Variants in COL11A2 observed in about 807,000 individuals in gnomAD.
COL11A2 encodes collagen alpha-2(XI) chain.
COL11A2 carries 116 observed loss-of-function variants against 273.4 expected under a neutral mutation model. The ratio of observed to expected loss-of-function variants is 0.42; its 90% confidence interval spans 0.36 to 0.49. The LOEUF (loss-of-function observed/expected upper bound fraction) is 0.49. Ranked by LOEUF, COL11A2 falls within the 20% of genes least tolerant of loss-of-function variation. The probability of loss-of-function intolerance (pLI) is 0.00; values close to 1 mark genes in which losing one functional copy is unlikely to be tolerated. For synonymous variants in COL11A2, 782 were observed against 864.2 expected, an observed-to-expected ratio of 0.90 and a Z score of 1.67; for missense variants, 1,866 against 2,309.0, an observed-to-expected ratio of 0.81 and a Z score of 3.93.
In COL11A2 at chr6:33,173,526, C is replaced by T. The variant is rs762110287; in HGVS notation, c.2658G>A (p.Gly886=). ...CCGGGGGTCCTTTCGGTCCAGGAAACCCGTTGGGACCCTGAGGTCCAGGGA... is the reference window on the plus strand; with the variant it reads ...CCGGGGGTCCTTTCGGTCCAGGAAATCCGTTGGGACCCTGAGGTCCAGGGA... ...RGLPGPQGPN[G]FPGPKGPPGP... Residue 886 remains glycine, a synonymous_variant, in exon 36 of 66, where the codon GGG becomes GGA. Transcript: ENST00000341947. The surrounding 1 kb of genome is among the most constrained non-coding windows in gnomAD (Gnocchi z 6.3). 1 of 1,610,194 alleles carries T rather than the reference C, an allele frequency of 6.2e-7. No homozygotes were observed. The highest frequency in any genetic ancestry group is 1.4e-5 in the African/African-American group (1 of 74,024).
intron 45 of COL11A2, 25 bp downstream of exon 45, chr6:33,171,089 C>T (rs752221446): frequency 2.2e-5 from 35 of 1,572,708 alleles, no homozygotes; most frequent in Admixed American, 7.6e-5. Context: ...GCTGGGCCTT[C>T]GGTGGGGGTG....
intron 45 of COL11A2, 74 bp downstream of exon 45, chr6:33,171,040 C>A (rs1769971194): frequency 6.3e-7 from 1 of 1,579,238 alleles, no homozygotes; most frequent in South Asian, 1.1e-5. Context: ...CCACTCCCAG[C>A]CACAAGGGCA....
Position 33,173,574 on chromosome 6 carries a change from G to GACA in COL11A2, c.2629-20_2629-19insTGT, listed in dbSNP as rs1182470984. On this transcript the variant is annotated intron_variant, in intron 35 of 65. Transcript: ENST00000341947. This position sits in a 1 kb window ranked among gnomAD's most constrained non-coding sequence, Gnocchi z 6.3. ...GGAGGCCCTAGAGACAGAGGTGGGGGGAGTCAGGAGAATGGGGGCAGGGGC... is the reference window on the plus strand; with the variant it reads ...GGAGGCCCTAGAGACAGAGGTGGGGGACAGAGTCAGGAGAATGGGGGCAGGGGC... 2 of 1,316,576 alleles carry GACA rather than the reference G, an allele frequency of 1.5e-6. No homozygotes were observed. The highest frequency in any genetic ancestry group is 3.7e-5 in the Admixed American group (2 of 54,170). 81.6% of individuals were successfully genotyped at this position (1,316,576 alleles called of 1,614,324 possible).
intron 1 of COL11A2, among the ~76,000 whole-genome samples, chr6:33,191,747 C>T (rs555295587): frequency 6.6e-6 from 1 of 152,348 alleles, no homozygotes; most frequent in African/African-American, 2.4e-5. Context: ...ATCACAGGTG[C>T]TCACCCCTTA....
In COL11A2 at chr6:33,168,659, G is replaced by A. The variant is rs1202918553; in HGVS notation, c.3906+47C>T. ...GTGGGGCACAGAAGAGGGGTAAAGA[G>A]GATGAGGCTTGGGCTCAGGGGGGTG... On this transcript the variant is annotated intron_variant, in intron 53 of 65. Coordinates refer to ENST00000341947, the MANE Select transcript of COL11A2 (RefSeq NM_080680.3). The A allele has an allele frequency of 3.1e-6, 5 of 1,594,498 alleles. No homozygotes were observed. In the South Asian group the frequency reaches 3.4e-5, roughly 11 times the overall value.
rs766589324 is a variant in COL11A2 at position 33,164,386 on chromosome 6, C to A, written c.4951G>T (p.Val1651Phe). The A allele has an allele frequency of 6.2e-7, 1 of 1,610,378 alleles. No homozygotes were observed. The change falls in exon 65 of 66, where the codon GTC (valine) becomes TTC (phenylalanine). Residue 1651 changes from valine to phenylalanine, a missense_variant. By Grantham distance (50) the Val-to-Phe change is conservative (BLOSUM62 -1). Transcript: ENST00000341947. The surrounding 1 kb of genome is among the most constrained non-coding windows in gnomAD (Gnocchi z 4.7). ...RLLSVSAHQDVSYPCSGAARD... is the reference protein window; with the variant it reads ...RLLSVSAHQDFSYPCSGAARD... ...GCTGCTCCAGAGCAGGGGTAGGAGA[C>A]GTCCTGGTGGGCTGAGACGCTGAGC...
At position 33,177,699 on chromosome 6, in the gene COL11A2, C is replaced by T. The variant is rs528989984; in HGVS notation, c.1880G>A (p.Arg627Gln). The change falls in exon 22 of 66, where the codon CGA becomes CAA. Residue 627 changes from arginine to glutamine, a missense_variant. Coordinates refer to ENST00000341947, the MANE Select transcript of COL11A2 (RefSeq NM_080680.3). This position sits in a 1 kb window ranked among gnomAD's most constrained non-coding sequence, Gnocchi z 5.9. Reference sequence around the variant, plus strand: ...GGGGCCCTGGGGACCATCCATGCCTCGGACGCCCTGAAACACAAGATGGGT... The same window carrying T: ...GGGGCCCTGGGGACCATCCATGCCTTGGACGCCCTGAAACACAAGATGGGT... ...PPGIPGPPGVRGMDGPQGPKG... is the reference protein window; with the variant it reads ...PPGIPGPPGVQGMDGPQGPKG... 58 of 1,612,846 alleles carry T rather than the reference C, an allele frequency of 3.6e-5. No homozygotes were observed. In the South Asian group the frequency reaches 5.4e-4, roughly 15 times the overall value.
intron 38 of COL11A2, among the ~76,000 whole-genome samples, 199 bp downstream of exon 38, chr6:33,172,860 TG>T (rs2150553297): frequency 6.6e-6 from 1 of 152,228 alleles, no homozygotes; most frequent in South Asian, 2.1e-4. Flanking sequence ...CTGCCTCTCC[TG>T]GGGGACAAGA....
Position 33,167,287 on chromosome 6 carries a change from G to A in COL11A2, c.4153C>T (p.Gln1385Ter). The change falls in exon 57 of 66, where the codon CAG becomes TAG. Residue 1385 changes from glutamine (Q) to a stop codon, truncating the protein, a stop_gained. Transcript: ENST00000341947. LOFTEE classifies it high-confidence loss of function. The surrounding 1 kb of genome is among the most constrained non-coding windows in gnomAD (Gnocchi z 6.1). Reference sequence around the variant, plus strand: ...ACCACAGGACCTGGGGGCCCAGCCTGGCCTGTAGCTCCAGGTCGGCCTTGC... The same window carrying A: ...ACCACAGGACCTGGGGGCCCAGCCTAGCCTGTAGCTCCAGGTCGGCCTTGC... ...GQQGRPGATG[Q>*]AGPPGPVGPP... 1.2e-6 allele frequency: 2 copies of A among 1,613,978 alleles called. No homozygotes were observed.
intron 8 of COL11A2, 72 bp from the exon 9 acceptor site, chr6:33,181,242 A>C: frequency 1.6e-4 from 234 of 1,458,692 alleles, no homozygotes; most frequent in Non-Finnish European, 2.0e-4. Flanking sequence ...TCTCCATCTC[A>C]ACTCCAACCT....
chr6:33,184,200 C>T lies in COL11A2; in HGVS notation c.1064G>A (p.Arg355His), dbSNP rs768676077. Residue 355 changes from arginine to histidine, a missense_variant, in exon 8 of 66, where the codon CGT becomes CAT. Arg to His is a conservative substitution (Grantham distance 29). Coordinates refer to ENST00000341947, the MANE Select transcript of COL11A2 (RefSeq NM_080680.3). ...GGCAGGGCCAAGCTCTGTCTCCTCA[C>T]GATAATCATCCCCATAGCCATAGGT... Reference protein sequence around the residue: ...DYTYGYGDDYREETELGPALS... With the variant: ...DYTYGYGDDYHEETELGPALS... The T allele has an allele frequency of 1.3e-5, 18 of 1,367,412 alleles. No individual in the cohort carries two copies. Among genetic ancestry groups the T allele is most frequent in the South Asian group, 2.3e-5 (2 of 88,060 alleles). 84.7% of individuals were successfully genotyped at this position (1,367,412 alleles called of 1,614,324 possible). A position where few individuals can be genotyped will look rare whatever the true frequency, so the allele number is the denominator to read the frequency against.
chr6:33,172,215 C>T, intron 40 of COL11A2, 74 bp downstream of exon 40: 1 of 1,555,520 alleles, frequency 6.4e-7, no homozygotes, highest in Admixed American at 1.7e-5. Flanking sequence ...TGGAGGGGGT[C>T]AGGGACAGGG....
intron 38 of COL11A2, 84 bp downstream of exon 38, chr6:33,172,976 G>C (rs1366989204): frequency 1.4e-6 from 2 of 1,441,298 alleles, no homozygotes; most frequent in Non-Finnish European, 1.9e-6. Flanking sequence ...GGTGGACCGG[G>C]GCAGGGGCGT....
chr6:33,171,664 G>A, intron 42 of COL11A2, 49 bp downstream of exon 42: 1 of 1,600,462 alleles, frequency 6.2e-7, no homozygotes, highest in Non-Finnish European at 8.5e-7. Flanking sequence ...ATCAACCCTA[G>A]GCTCACAGAC....
rs139053389 is a variant in COL11A2 at position 33,188,479 on chromosome 6, G to A, written c.489C>T (p.Leu163=). Residue 163 remains leucine (L), a synonymous_variant, in exon 4 of 66, where the codon CTC becomes CTT. Transcript: ENST00000341947. ...TGACTCGCTTCTTGCAGTCAACAAT[G>A]AGGGTGACAGACTGGCCCTTCACAG... ...AVAVKGQSVT[L]IVDCKKRVTR... is the part of the protein sequence containing the mutation. 1.9e-6 allele frequency: 3 copies of A among 1,612,976 alleles called. No homozygotes were observed. The highest frequency in any genetic ancestry group is 2.7e-5 in the African/African-American group (2 of 74,934).
rs935804951 is a variant in COL11A2 at position 33,189,490 on chromosome 6, C to T, written c.83-21G>A. On this transcript the variant is annotated intron_variant, in intron 1 of 65. Transcript: ENST00000341947. This position sits in a 1 kb window ranked among gnomAD's most constrained non-coding sequence, Gnocchi z 5.6. The stretch of plus-strand genomic sequence containing the variant: ...TGCACCTGGGAGAGTCCATGATTAT[C>T]AGGAGAAGGGACATGCCCTCAGGAG... 4 of 1,612,754 alleles carry T rather than the reference C, an allele frequency of 2.5e-6. No individual in the cohort carries two copies. Among genetic ancestry groups the T allele is most frequent in the Non-Finnish European group, 3.4e-6 (4 of 1,179,902 alleles).
intron 30 of COL11A2, 63 bp downstream of exon 30, chr6:33,175,511 C>A: frequency 7.1e-7 from 1 of 1,410,402 alleles, no homozygotes; most frequent in Non-Finnish European, 1.0e-6. Context: ...GGCACCCATG[C>A]CCATCCTGAC....
Position 33,173,167 on chromosome 6 carries a change from C to T in COL11A2, c.2737-54G>A, listed in dbSNP as rs368448846. 2.5e-6 allele frequency: 4 copies of T among 1,579,778 alleles called. No individual in the cohort carries two copies. Among genetic ancestry groups the T allele is most frequent in the East Asian group, 2.3e-5 (1 of 43,542 alleles). On this transcript the variant is annotated intron_variant, in intron 37 of 65. Transcript: ENST00000341947. This position sits in a 1 kb window ranked among gnomAD's most constrained non-coding sequence, Gnocchi z 6.3. ...GAAAGCAGGTGTGGGCGCTGTGGGG[C>T]AGATTCCCAGGAGGAAGGATCCCAG...
chr6:33,187,782 G>A (rs1469527761), intron 4 of COL11A2, among the ~76,000 whole-genome samples: 1 of 143,198 alleles, frequency 7.0e-6, no homozygotes, highest in Non-Finnish European at 1.5e-5. Flanking sequence ...TTGAGTTGGT[G>A]GAAGGATAAT....
Sources: gnomAD v4.1 joint callset for allele counts (sites outside exome capture counted in the v4.1 genomes callset) on GRCh38, gnomAD v4.1.1 for gene constraint, Gnocchi (gnomAD v3.1) non-coding constraint, MANE v1.5 for transcripts, NCBI Gene and HGNC (gene_info 2026-07-23, HGNC 2026-07-21) for gene names.